Variants in TENM3 observed in about 807,000 individuals in gnomAD.
The protein encoded by TENM3 is teneurin transmembrane protein 3.
Under a neutral mutation model 255.1 loss-of-function variants are expected in TENM3, and 63 were observed. That is an observed-to-expected ratio of 0.25 (90% CI 0.20 to 0.30). The LOEUF (loss-of-function observed/expected upper bound fraction) is 0.30, where lower values mean the gene tolerates loss of function less well. Among genes scored for constraint, TENM3 ranks in the 10% least tolerant of loss-of-function variants. TENM3 has a pLI of 1.00. For synonymous variants in TENM3, 1,306 were observed against 1,322.3 expected (o/e 0.99, Z 0.27); for missense variants, 2,929 against 3,461.1 (o/e 0.85, Z 3.86).
chr4:182,435,191 A>G (rs146202413), intron 3 of TENM3, among the ~76,000 whole-genome samples: 3,032 of 152,212 alleles, frequency 0.02, 45 homozygotes, highest in Non-Finnish European at 0.026. Flanking sequence ...CCACGGTTTT[A>G]TGGAAGTTAC....
chr4:182,618,050 A>T (rs1008221632), intron 4 of TENM3, among the ~76,000 whole-genome samples: 2 of 152,220 alleles, frequency 1.3e-5, no homozygotes, highest in Non-Finnish European at 2.9e-5. Flanking sequence ...ATCTCTAAAA[A>T]TGTTTTTAAC....
At chr4:182,714,925 C>T (rs917844245) in intron 13 of TENM3, among the ~76,000 whole-genome samples, 3 of 152,158 alleles carry the variant, frequency 2.0e-5, no homozygotes, top group African/African-American at 7.2e-5. Context: ...GCTCTTGTTG[C>T]CCAGGCTGGA....
rs138794548 is a variant in TENM3 at position 182,208,925 on chromosome 4, A to G, written c.-76+64171A>G. On this transcript the variant is annotated intron_variant, in intron 1 of 2. Transcript: ENST00000512480. ...CTGTCACTTTCCATGACGTCCTTCA[A>G]TTCAGCCTTCACATTCACATGGGCT... 1.7e-3 allele frequency among the ~76,000 whole-genome samples: 252 copies of G among 151,826 alleles called. 4 individuals carry two copies. The East Asian group carries it at 0.043, about 26-fold the overall frequency.
chr4:182,037,104 CTG>C, the TENM3 span, among the ~76,000 whole-genome samples: 1 of 151,520 alleles, frequency 6.6e-6, no homozygotes, highest in Admixed American at 6.6e-5. Context: ...TTCTGTTAAA[CTG>C]TGAATAATTC....
At chr4:182,403,615 A>G (rs1012431896) in intron 3 of TENM3, among the ~76,000 whole-genome samples, 1 of 152,234 alleles carries the variant, frequency 6.6e-6, no homozygotes, top group Non-Finnish European at 1.5e-5. Context: ...TTTTTCTAGA[A>G]GTAGTGATGT....
the TENM3 span, among the ~76,000 whole-genome samples, chr4:181,952,139 T>C: frequency 6.6e-6 from 1 of 152,222 alleles, no homozygotes; most frequent in South Asian, 2.1e-4. Flanking sequence ...AGGGATGTGA[T>C]CTGTGGAAAT....
the TENM3 span, among the ~76,000 whole-genome samples, chr4:181,692,955 G>A: frequency 7.9e-5 from 12 of 152,164 alleles, no homozygotes; most frequent in African/African-American, 2.9e-4. Context: ...TTCAGTGCTA[G>A]AACAGGCACT....
chr4:182,212,239 T>A (rs1377487434), intron 1 of TENM3, among the ~76,000 whole-genome samples: 1 of 152,222 alleles, frequency 6.6e-6, no homozygotes, highest in Non-Finnish European at 1.5e-5. Context: ...GGGAGCTTGC[T>A]GTGATGTGCT....
intron 3 of TENM3, among the ~76,000 whole-genome samples, chr4:182,511,814 G>A (rs988100048): frequency 2.0e-5 from 3 of 152,110 alleles, no homozygotes; most frequent in Non-Finnish European, 2.9e-5. Context: ...GAAGGACTGG[G>A]TAGAAAAAAA....
the TENM3 span, among the ~76,000 whole-genome samples, chr4:181,567,185 A>G: frequency 3.3e-5 from 5 of 152,224 alleles, no homozygotes; most frequent in Admixed American, 1.3e-4. Flanking sequence ...GAGCATACCT[A>G]AAAGCCTATC....
intron 4 of TENM3, among the ~76,000 whole-genome samples, chr4:182,619,459 A>C (rs973122529): frequency 6.6e-6 from 1 of 152,054 alleles, no homozygotes; most frequent in African/African-American, 2.4e-5. Context: ...GCTAGATTAG[A>C]GGTAGAAGCT....
rs1254645449 is a variant in TENM3, at chr4:182,644,316, C to T, written c.989-9455C>T. 9.9e-5 allele frequency among the ~76,000 whole-genome samples: 15 copies of T among 152,144 alleles called. 1 individual carries two copies. In the South Asian group the frequency reaches 1.7e-3, roughly 17 times the overall value. On this transcript the variant is annotated intron_variant, in intron 5 of 27. Coordinates refer to ENST00000511685, the MANE Select transcript of TENM3 (RefSeq NM_001080477.4). ...ACTTCAGTGGCATGGTCCCCAGAGA[C>T]GAGATCAAAATTTGGCACCTTTTTC... is the stretch of plus-strand genomic sequence containing the variant.
intron 1 of TENM3, among the ~76,000 whole-genome samples, chr4:182,177,614 ATT>A (rs5864769): frequency 6.5e-4 from 86 of 132,796 alleles, no homozygotes; most frequent in South Asian, 1.4e-3. Flanking sequence ...ATATATATAT[ATT>A]TTTTTTTTTT....
chr4:182,185,572 T>C (rs1439187116), intron 1 of TENM3, among the ~76,000 whole-genome samples: 1 of 152,194 alleles, frequency 6.6e-6, no homozygotes, highest in Admixed American at 6.5e-5. Flanking sequence ...TTCTGAGTAG[T>C]CTCACCAGAC....
chr4:182,300,972 A>T lies in TENM3; in HGVS notation c.-75-22974A>T, dbSNP rs183692891. Reference sequence around the variant, plus strand: ...TGATTTATTTTTAAAAAAGTGTTTTATTTGTTCATTAGTTTTCTGTTGCAT... The same window carrying T: ...TGATTTATTTTTAAAAAAGTGTTTTTTTTGTTCATTAGTTTTCTGTTGCAT... On this transcript the variant is annotated intron_variant, in intron 1 of 27. Transcript: ENST00000511685. Among the ~76,000 whole-genome samples, 7 of 152,290 alleles carry T rather than the reference A, an allele frequency of 4.6e-5. No individual in the cohort carries two copies. The East Asian group carries it at 1.3e-3, about 29-fold the overall frequency.
chr4:182,597,948 G>A (rs538791298), intron 3 of TENM3, among the ~76,000 whole-genome samples: 90 of 152,308 alleles, frequency 5.9e-4, no homozygotes, highest in South Asian at 2.1e-3. Context: ...CAGAGGCCAA[G>A]GCTGGAGGCT....
chr4:181,979,805 C>T, the TENM3 span, among the ~76,000 whole-genome samples: 1 of 152,140 alleles, frequency 6.6e-6, no homozygotes. Flanking sequence ...CATGACAACC[C>T]CAGATTCAAA....
chr4:182,621,797 T>TATATAATA (rs1750283141), intron 4 of TENM3, among the ~76,000 whole-genome samples: 13 of 35,082 alleles, frequency 3.7e-4, no homozygotes, highest in African/African-American at 1.2e-3. Flanking sequence ...ATATATAATA[T>TATATAATA]ATAATATATA....
At chr4:182,178,722 A>G (rs186590649) in intron 1 of TENM3, among the ~76,000 whole-genome samples, 59 of 152,300 alleles carry the variant, frequency 3.9e-4, no homozygotes, top group African/African-American at 1.2e-3. Flanking sequence ...TCATTTTCCT[A>G]CAGTGTGTTT....
Sources: allele counts gnomAD v4.1 joint callset (sites outside exome capture counted in the v4.1 genomes callset), GRCh38; gene constraint gnomAD v4.1.1; transcripts MANE v1.5; gene names NCBI Gene and HGNC (gene_info 2026-07-23, HGNC 2026-07-21).